The following ROBO2 variants were observed in gnomAD, a reference collection of about 807,000 sequenced individuals.
The protein encoded by ROBO2 is roundabout guidance receptor 2, also known as roundabout homolog 2.
Under a neutral mutation model 160.8 loss-of-function variants are expected in ROBO2, and 53 were observed. The ratio of observed to expected loss-of-function variants is 0.33; its 90% CI spans 0.26 to 0.41. The LOEUF is 0.41. ROBO2 is among the 10% of genes least tolerant of loss of function. The pLI is 1.00. For missense variants in ROBO2, 1,577 were observed against 1,722.4 expected, an observed-to-expected ratio of 0.92 and a Z score of 1.49; for synonymous variants, 664 against 611.7, an observed-to-expected ratio of 1.09 and a Z score of -1.26.
At chr3:77,193,949 T>C (rs550067173) in intron 2 of ROBO2, among the ~76,000 whole-genome samples, 1 of 144,520 alleles carries the variant, frequency 6.9e-6, no homozygotes, top group Non-Finnish European at 1.6e-5. Context: ...AATGTGAAAA[T>C]CAGGAACTAT....
chr3:76,031,654 A>G (rs932993926), intron 2 of ROBO2, among the ~76,000 whole-genome samples: 1 of 151,836 alleles, frequency 6.6e-6, no homozygotes, highest in East Asian at 1.9e-4. Flanking sequence ...TGTTTATGTG[A>G]TGGATTACAT....
chr3:77,252,992 G>T (rs527505821), intron 2 of ROBO2, among the ~76,000 whole-genome samples: 1 of 151,208 alleles, frequency 6.6e-6, no homozygotes, highest in South Asian at 2.1e-4. Context: ...AAATATGGAT[G>T]TCCCAAAGTT....
intron 2 of ROBO2, among the ~76,000 whole-genome samples, chr3:76,654,721 G>T (rs2091414536): frequency 6.6e-6 from 1 of 151,726 alleles, no homozygotes; most frequent in Non-Finnish European, 1.5e-5. Flanking sequence ...GCTATACCAA[G>T]AATTAAAACT....
chr3:77,260,590 C>T (rs140464665), intron 2 of ROBO2, among the ~76,000 whole-genome samples: 17 of 152,134 alleles, frequency 1.1e-4, no homozygotes, highest in Admixed American at 6.5e-5. Flanking sequence ...TAATGCAACA[C>T]GAAGATTCAG....
At chr3:77,276,110 A>C (rs1385525139) in intron 2 of ROBO2, among the ~76,000 whole-genome samples, 1 of 152,094 alleles carries the variant, frequency 6.6e-6, no homozygotes, top group Non-Finnish European at 1.5e-5. Flanking sequence ...CCTTATAGAA[A>C]AGTCAGGTGT....
chr3:76,121,415 A>T (rs2070747152), intron 2 of ROBO2, among the ~76,000 whole-genome samples: 1 of 152,168 alleles, frequency 6.6e-6, no homozygotes, highest in Non-Finnish European at 1.5e-5. Context: ...GTAATCAGGG[A>T]AAATAATTAC....
intron 2 of ROBO2, among the ~76,000 whole-genome samples, chr3:76,646,272 G>A (rs1459873816): frequency 6.6e-6 from 1 of 152,138 alleles, no homozygotes. Flanking sequence ...TCTTGTCTGT[G>A]GAAGAGTGAC....
intron 1 of ROBO2, among the ~76,000 whole-genome samples, chr3:77,091,773 G>A (rs1243162829): frequency 6.6e-6 from 1 of 151,952 alleles, no homozygotes; most frequent in East Asian, 1.9e-4. Context: ...GAGGCCAGGG[G>A]TTCGAGACCA....
intron 2 of ROBO2, among the ~76,000 whole-genome samples, chr3:77,449,440 G>A (rs1055869808): frequency 2.4e-4 from 37 of 152,114 alleles, no homozygotes; most frequent in African/African-American, 8.7e-4. Flanking sequence ...TAAATGTGCT[G>A]TAAGTCCATA....
At chr3:75,914,242 T>C (rs547890863) in intron 1 of ROBO2, among the ~76,000 whole-genome samples, 1 of 152,292 alleles carries the variant, frequency 6.6e-6, no homozygotes, top group African/African-American at 2.4e-5. Flanking sequence ...GTAAATTATA[T>C]TATCTGACCA....
intron 2 of ROBO2, among the ~76,000 whole-genome samples, chr3:76,842,279 C>A (rs1249840452): frequency 1.3e-5 from 2 of 152,200 alleles, no homozygotes; most frequent in Non-Finnish European, 2.9e-5. Flanking sequence ...TTCATGACTG[C>A]AGTCAGGGTA....
chr3:76,095,353 AT>A (rs1249794454), intron 2 of ROBO2, among the ~76,000 whole-genome samples: 1 of 152,078 alleles, frequency 6.6e-6, no homozygotes. Flanking sequence ...GAAACAAATA[AT>A]TTTTTCCAAT....
intron 2 of ROBO2, among the ~76,000 whole-genome samples, chr3:76,089,490 A>G (rs976693296): frequency 6.6e-6 from 1 of 152,122 alleles, no homozygotes; most frequent in Non-Finnish European, 1.5e-5. Flanking sequence ...ACCACAACCA[A>G]ATTAGATTTA....
chr3:77,020,770 C>T (rs1349911868), intron 2 of ROBO2, among the ~76,000 whole-genome samples: 5 of 152,252 alleles, frequency 3.3e-5, no homozygotes, highest in Admixed American at 3.3e-4. Context: ...AATGGGAAGA[C>T]ATTAAAATAA....
chr3:76,360,852 C>G (rs113910301), intron 2 of ROBO2, among the ~76,000 whole-genome samples: 1 of 151,892 alleles, frequency 6.6e-6, no homozygotes, highest in Admixed American at 6.6e-5. Flanking sequence ...ACAGAACGGC[C>G]ACATTGTGAA....
intron 2 of ROBO2, among the ~76,000 whole-genome samples, chr3:77,276,644 C>T (rs963485728): frequency 6.6e-6 from 1 of 152,136 alleles, no homozygotes; most frequent in African/African-American, 2.4e-5. Context: ...TCCAGCTACT[C>T]GGGAGGCTTA....
At chr3:76,072,409 T>C (rs2068491000) in intron 2 of ROBO2, among the ~76,000 whole-genome samples, 1 of 152,178 alleles carries the variant, frequency 6.6e-6, no homozygotes, top group Admixed American at 6.5e-5. Context: ...TATTTCTTAG[T>C]TGTATTTTAT....
intron 2 of ROBO2, among the ~76,000 whole-genome samples, chr3:77,407,913 G>A (rs1463049393): frequency 2.0e-5 from 3 of 152,108 alleles, no homozygotes; most frequent in Non-Finnish European, 4.4e-5. Context: ...GTTTACACTT[G>A]TTCACTTTAC....
At position 76,621,937 on chromosome 3, in the gene ROBO2, G is replaced by A. The variant is rs1222464407; in HGVS notation, c.110-476077G>A. Reference sequence around the variant, plus strand: ...CAGTGACACCATTGTAAGCCGTGTGGTTCATATATGCTTTCTTGTTTGGGT... The same window carrying A: ...CAGTGACACCATTGTAAGCCGTGTGATTCATATATGCTTTCTTGTTTGGGT... On this transcript the variant is annotated intron_variant, in intron 2 of 26. Transcript: ENST00000487694. 2.6e-5 allele frequency among the ~76,000 whole-genome samples: 4 copies of A among 151,642 alleles called. No homozygotes were observed. The East Asian group carries it at 5.8e-4, about 22-fold the overall frequency.
Sources: allele counts gnomAD v4.1 joint callset (sites outside exome capture counted in the v4.1 genomes callset), GRCh38; gene constraint gnomAD v4.1.1; transcripts MANE v1.5; gene names NCBI Gene and HGNC (gene_info 2026-07-23, HGNC 2026-07-21).